GPC5: variants seen among roughly 807,000 people sequenced by gnomAD.
GPC5 encodes glypican-5.
A neutral mutation model predicts 53.9 loss-of-function variants in GPC5; 47 were observed. The observed-to-expected ratio is 0.87, with a 90% CI of 0.69 to 1.11. The LOEUF (loss-of-function observed/expected upper bound fraction) is 1.11, where lower values mean the gene tolerates loss of function less well. Among genes scored for constraint, GPC5 ranks in the 50% most tolerant of loss-of-function variants. The pLI is 0.00. For synonymous variants in GPC5, 286 were observed against 263.3 expected (o/e 1.09, Z -0.84); for missense variants, 748 against 713.1 (o/e 1.05, Z -0.56).
At chr13:91,733,413 G>T (rs897301568) in intron 4 of GPC5, among the ~76,000 whole-genome samples, 1 of 152,148 alleles carries the variant, frequency 6.6e-6, no homozygotes, top group South Asian at 2.1e-4. Flanking sequence ...GATTACAGGC[G>T]TCAGCCACCG....
At chr13:92,452,069 T>C (rs1878082103) in intron 7 of GPC5, among the ~76,000 whole-genome samples, 1 of 152,164 alleles carries the variant, frequency 6.6e-6, no homozygotes, top group South Asian at 2.1e-4. Context: ...AATACAATTC[T>C]AATAAAAATA....
At chr13:92,420,405 T>G (rs967809660) in intron 7 of GPC5, among the ~76,000 whole-genome samples, 2 of 152,168 alleles carry the variant, frequency 1.3e-5, no homozygotes, top group African/African-American at 4.8e-5. Context: ...ACATGGTACA[T>G]GCTTTGTACC....
At chr13:92,682,799 T>C (rs1312006333) in intron 7 of GPC5, among the ~76,000 whole-genome samples, 1 of 152,214 alleles carries the variant, frequency 6.6e-6, no homozygotes, top group Non-Finnish European at 1.5e-5. Flanking sequence ...AGTTTATTCA[T>C]GTTCAACACA....
intron 6 of GPC5, among the ~76,000 whole-genome samples, chr13:91,939,481 G>A (rs775296531): frequency 1.3e-5 from 2 of 152,134 alleles, no homozygotes; most frequent in African/African-American, 2.4e-5. Context: ...TGTTGGGTGT[G>A]ACAGAGACCA....
At chr13:91,557,804 G>C (rs2031041526) in intron 2 of GPC5, among the ~76,000 whole-genome samples, 1 of 152,070 alleles carries the variant, frequency 6.6e-6, no homozygotes, top group Non-Finnish European at 1.5e-5. Flanking sequence ...AATGTGCAAA[G>C]AGGCATTTCT....
intron 7 of GPC5, among the ~76,000 whole-genome samples, chr13:92,195,868 A>G (rs1043404450): frequency 6.6e-6 from 1 of 152,148 alleles, no homozygotes; most frequent in Non-Finnish European, 1.5e-5. Flanking sequence ...CTCAGCATAT[A>G]CTTATGTGCT....
chr13:92,675,300 C>T lies in GPC5; in HGVS notation c.1562-190982C>T, dbSNP rs150395958. 7.5e-3 allele frequency among the ~76,000 whole-genome samples: 1,142 copies of T among 152,224 alleles called. 5 individuals carry two copies. Among genetic ancestry groups the T allele is most frequent in the Non-Finnish European group, 0.012 (846 of 67,978 alleles). ...GTCTCTTACCAATTCAAAATTAATT[C>T]ATTAGAAAGCAATTTTCCTCAACAC... On this transcript the variant is annotated intron_variant, in intron 7 of 7. Transcript: ENST00000377067.
intron 5 of GPC5, among the ~76,000 whole-genome samples, chr13:91,905,322 T>C (rs1401313445): frequency 6.6e-6 from 1 of 151,768 alleles, no homozygotes; most frequent in African/African-American, 2.4e-5. Context: ...TTTATTTATA[T>C]ATATGAGTAT....
intron 7 of GPC5, among the ~76,000 whole-genome samples, chr13:92,770,654 A>G (rs1875579191): frequency 6.6e-6 from 1 of 152,154 alleles, no homozygotes; most frequent in African/African-American, 2.4e-5. Context: ...GCTCTAAAAC[A>G]TCTTTGTCAT....
At chr13:92,596,478 C>A (rs1883884870) in intron 7 of GPC5, among the ~76,000 whole-genome samples, 1 of 150,786 alleles carries the variant, frequency 6.6e-6, no homozygotes, top group African/African-American at 2.4e-5. Flanking sequence ...TAATAATAAT[C>A]ATTATTATTA....
intron 2 of GPC5, among the ~76,000 whole-genome samples, chr13:91,603,752 G>A (rs1368039326): frequency 6.6e-6 from 1 of 151,962 alleles, no homozygotes; most frequent in African/African-American, 2.4e-5. Context: ...AATGAGGTGA[G>A]AACATACAAT....
chr13:92,077,162 G>A (rs534454523), intron 6 of GPC5, among the ~76,000 whole-genome samples: 2 of 152,118 alleles, frequency 1.3e-5, no homozygotes, highest in East Asian at 3.9e-4. Flanking sequence ...GATGTCTCAT[G>A]CCTCCCTAAA....
chr13:92,040,822 A>G (rs2040936001), intron 6 of GPC5, among the ~76,000 whole-genome samples: 1 of 152,152 alleles, frequency 6.6e-6, no homozygotes, highest in Non-Finnish European at 1.5e-5. Context: ...TGTTTTTGTG[A>G]GCACAATTAT....
chr13:92,664,376 TAATC>T (rs1028338724), intron 7 of GPC5, among the ~76,000 whole-genome samples: 17 of 150,928 alleles, frequency 1.1e-4, no homozygotes, highest in African/African-American at 3.4e-4. Flanking sequence ...TTTTTTTACT[TAATC>T]AAGATAGCAG....
At chr13:91,640,845 C>G (rs1270096477) in intron 2 of GPC5, among the ~76,000 whole-genome samples, 1 of 151,362 alleles carries the variant, frequency 6.6e-6, no homozygotes, top group Non-Finnish European at 1.5e-5. Flanking sequence ...CATTGCAGCA[C>G]TATTCACAAT....
At chr13:91,795,002 G>A (rs2138758138) in intron 5 of GPC5, among the ~76,000 whole-genome samples, 2 of 152,286 alleles carry the variant, frequency 1.3e-5, no homozygotes, top group South Asian at 4.1e-4. Context: ...AGGGAGGAAA[G>A]TTAATTTTAT....
At chr13:91,706,273 T>C (rs1415245685) in intron 3 of GPC5, among the ~76,000 whole-genome samples, 1 of 152,148 alleles carries the variant, frequency 6.6e-6, no homozygotes, top group African/African-American at 2.4e-5. Flanking sequence ...TTACAGAAGA[T>C]TGATAAGTAG....
chr13:92,375,249 C>A (rs2043684849), intron 7 of GPC5, among the ~76,000 whole-genome samples: 1 of 152,164 alleles, frequency 6.6e-6, no homozygotes, highest in Non-Finnish European at 1.5e-5. Context: ...GCAAACTTTA[C>A]AGAAGATTAT....
At chr13:91,918,170 T>C (rs978876696) in intron 6 of GPC5, among the ~76,000 whole-genome samples, 1 of 152,022 alleles carries the variant, frequency 6.6e-6, no homozygotes, top group African/African-American at 2.4e-5. Context: ...AGGGGAAATG[T>C]CAGACACTTT....
Sources: gnomAD v4.1 joint callset for allele counts (sites outside exome capture counted in the v4.1 genomes callset) on GRCh38, gnomAD v4.1.1 for gene constraint, MANE v1.5 for transcripts, NCBI Gene and HGNC (gene_info 2026-07-23, HGNC 2026-07-21) for gene names.